LYPLA2: variants seen among roughly 807,000 people sequenced by gnomAD.
LYPLA2 encodes lysophospholipase 2.
LYPLA2 carries 7 observed loss-of-function variants against 30.3 expected under a neutral mutation model. That is an observed-to-expected ratio of 0.23 (90% CI 0.13 to 0.43). The LOEUF (loss-of-function observed/expected upper bound fraction) is 0.43, where lower values mean the gene tolerates loss of function less well. Ranked by LOEUF, LYPLA2 falls within the 20% of genes least tolerant of loss-of-function variation. The pLI is 1.00. For missense variants in LYPLA2, 206 were observed against 307.9 expected (o/e 0.67, Z 2.48); for synonymous variants, 112 against 118.2 (o/e 0.95, Z 0.34).
chr1:23,792,804 C>G, intron 2 of LYPLA2, 44 bp downstream of exon 2: 1 of 1,542,712 alleles, frequency 6.5e-7, no homozygotes, highest in East Asian at 2.2e-5. Flanking sequence ...GTGGGAGCAG[C>G]TGGAGGACCG....
Position 23,792,658 on chromosome 1 carries a change from C to G in LYPLA2, c.-25C>G. The G allele has an allele frequency of 6.2e-7, 1 of 1,607,922 alleles. No homozygotes were observed. Among genetic ancestry groups the G allele is most frequent in the Middle Eastern group, 2.3e-4 (1 of 4,440 alleles). The stretch of plus-strand genomic sequence containing the variant: ...TGACCGCCGCCCCGATGTATGCAGG[C>G]CCCCGCCGTGGAGCCGTGTGGTGTA... On this transcript the variant is annotated splice_region_variant and 5_prime_UTR_variant, in exon 2 of 10. Transcript: ENST00000374514.
At position 23,794,919 on chromosome 1, in the gene LYPLA2, CTCTG is replaced by C. The variant is rs1333432112; in HGVS notation, c.*192_*195del. ...TTCCTTCCTGGCCTTAGCCACCTGG[CTCTG>C]TCTGCAGCAGGGGCAGGCTGCTTTC... On this transcript the variant is annotated 3_prime_UTR_variant, in exon 10 of 10. Transcript: ENST00000374514. The surrounding 1 kb of genome is among the most constrained non-coding windows in gnomAD (Gnocchi z 5.9). 7 of 737,258 alleles carry C rather than the reference CTCTG, an allele frequency of 9.5e-6. No individual in the cohort carries two copies. The highest frequency in any genetic ancestry group is 1.7e-5 in the Non-Finnish European group (7 of 412,074). 45.7% of individuals were successfully genotyped at this position (737,258 alleles called of 1,614,324 possible).
Position 23,794,610 on chromosome 1 carries a change from G to A in LYPLA2, c.645+10G>A. On this transcript the variant is annotated intron_variant, in intron 9 of 9. Coordinates refer to ENST00000374514, the MANE Select transcript of LYPLA2 (RefSeq NM_007260.3). This position sits in a 1 kb window ranked among gnomAD's most constrained non-coding sequence, Gnocchi z 5.9. ...CAGCTCCTGTCCTCAGGTCAGTGGG[G>A]GGACCATTTCCCACTCCCACTTCTC... is the stretch of plus-strand genomic sequence containing the variant. The A allele has an allele frequency of 6.2e-7, 1 of 1,614,072 alleles. No homozygotes were observed. The highest frequency in any genetic ancestry group is 8.5e-7 in the Non-Finnish European group (1 of 1,179,954).
Position 23,793,699 on chromosome 1 carries a change from C to G in LYPLA2, c.177-6C>G. 6.2e-7 allele frequency: 1 copy of G among 1,614,002 alleles called. No homozygotes were observed. Among genetic ancestry groups the G allele is most frequent in the Non-Finnish European group, 8.5e-7 (1 of 1,179,872 alleles). The stretch of plus-strand genomic sequence containing the variant: ...CATGATGGGCCCTCTGGCTCTCTTT[C>G]CCCAGGCCTAGGATCCCTGTGACCC... On this transcript the variant is annotated splice_polypyrimidine_tract_variant and splice_region_variant and intron_variant, in intron 4 of 9. Coordinates refer to ENST00000374514, the MANE Select transcript of LYPLA2 (RefSeq NM_007260.3). The surrounding 1 kb of genome is among the most constrained non-coding windows in gnomAD (Gnocchi z 6.0).
Position 23,793,450 on chromosome 1 carries a change from T to C in LYPLA2, c.176+234T>C, listed in dbSNP as rs181087487. Among the ~76,000 whole-genome samples, 17 of 152,268 alleles carry C rather than the reference T, an allele frequency of 1.1e-4. No homozygotes were observed. In the East Asian group the frequency reaches 3.3e-3, roughly 29 times the overall value. ...CTCTCCTAGAACCCACACCTCCCTTTGCCCCTTCCCCAAGTACTCACCGAC... is the reference window on the plus strand; with the variant it reads ...CTCTCCTAGAACCCACACCTCCCTTCGCCCCTTCCCCAAGTACTCACCGAC... On this transcript the variant is annotated intron_variant, in intron 4 of 9. Transcript: ENST00000374514. This position sits in a 1 kb window ranked among gnomAD's most constrained non-coding sequence, Gnocchi z 6.0.
At chr1:23,791,481 C>T (rs1638792230) in intron 1 of LYPLA2, among the ~76,000 whole-genome samples, 1 of 152,038 alleles carries the variant, frequency 6.6e-6, no homozygotes, top group East Asian at 1.9e-4. Flanking sequence ...CATTGTGGGG[C>T]GGGGGCTTCC....
In LYPLA2 at chr1:23,794,218, C is replaced by T. The variant is rs368029862; in HGVS notation, c.370-6C>T. ...CCCTCATGACCCCTCTCTCTCCTCC[C>T]TCCAGGGCGGGGCCCTGTCCCTCTA... is the stretch of plus-strand genomic sequence containing the variant. On this transcript the variant is annotated splice_polypyrimidine_tract_variant and splice_region_variant and intron_variant, in intron 7 of 9. Transcript: ENST00000374514. The surrounding 1 kb of genome is among the most constrained non-coding windows in gnomAD (Gnocchi z 5.9). 3.0e-4 allele frequency: 477 copies of T among 1,608,532 alleles called. 1 individual carries two copies. In the African/African-American group the frequency reaches 5.5e-3, roughly 19 times the overall value.
In LYPLA2 at chr1:23,795,062, C is replaced by G; in HGVS notation, c.*330C>G. 3.8e-6 allele frequency: 2 copies of G among 531,516 alleles called. No homozygotes were observed. The highest frequency in any genetic ancestry group is 7.1e-6 in the Non-Finnish European group (2 of 282,370). The allele number at this position is 531,516 out of a possible 1,614,324, so 32.9% of individuals were successfully genotyped here. On this transcript the variant is annotated 3_prime_UTR_variant, in exon 10 of 10. Transcript: ENST00000374514. ...CTCACTCAGGACCTCACTCACTAGC[C>G]CCGCTTTGGGCCCCCTCCTGTGACC... is the stretch of plus-strand genomic sequence containing the variant.
rs1281439228 is a variant in LYPLA2 at position 23,794,433 on chromosome 1, A to G, written c.478A>G (p.Asn160Asp). Residue 160 changes from asparagine (N) to aspartate (D), a missense_variant, in exon 9 of 10, where the codon AAT (asparagine) becomes GAT (aspartate). Transcript: ENST00000374514. The surrounding 1 kb of genome is among the most constrained non-coding windows in gnomAD (Gnocchi z 5.9). Reference protein sequence around the residue: ...PLHRAFPQAANGSAKDLAILQ... With the variant: ...PLHRAFPQAADGSAKDLAILQ... Reference sequence around the variant, plus strand: ...AGTCCTGTCCGGCCTCCAGGCAGCTAATGGCAGTGCCAAGGACCTGGCCAT... The same window carrying G: ...AGTCCTGTCCGGCCTCCAGGCAGCTGATGGCAGTGCCAAGGACCTGGCCAT... The G allele has an allele frequency of 1.2e-6, 2 of 1,613,762 alleles. No homozygotes were observed. Among genetic ancestry groups the G allele is most frequent in the Middle Eastern group, 1.7e-4 (1 of 6,060 alleles).
At position 23,794,461 on chromosome 1, in the gene LYPLA2, T is replaced by C. The variant is rs1195482305; in HGVS notation, c.506T>C (p.Leu169Pro). The stretch of plus-strand genomic sequence containing the variant: ...GGCAGTGCCAAGGACCTGGCCATAC[T>C]CCAGTGCCATGGGGAGCTGGACCCC... ...ANGSAKDLAILQCHGELDPMV... is the reference protein window; with the variant it reads ...ANGSAKDLAIPQCHGELDPMV... The change falls in exon 9 of 10, where the codon CTC becomes CCC. Residue 169 changes from leucine to proline, a missense_variant. Physicochemically the swap from Leu to Pro is moderately conservative, Grantham distance 98. Coordinates refer to ENST00000374514, the MANE Select transcript of LYPLA2 (RefSeq NM_007260.3). This position sits in a 1 kb window ranked among gnomAD's most constrained non-coding sequence, Gnocchi z 5.9. 1.2e-6 allele frequency: 2 copies of C among 1,613,838 alleles called. No homozygotes were observed. Among genetic ancestry groups the C allele is most frequent in the South Asian group, 1.1e-5 (1 of 91,070 alleles).
chr1:23,793,887 T>A lies in LYPLA2; in HGVS notation c.252T>A (p.Asp84Glu). 1 of 1,613,950 alleles carries A rather than the reference T, an allele frequency of 6.2e-7. No homozygotes were observed. The highest frequency in any genetic ancestry group is 8.5e-7 in the Non-Finnish European group (1 of 1,179,910). ...SWFDLMGLSPDAPEDEAGIKK... is the reference protein window; with the variant it reads ...SWFDLMGLSPEAPEDEAGIKK... ...TTGACCTGATGGGGCTGAGTCCAGA[T>A]GCCCCAGAGGACGAGGCTGGCATCA... Residue 84 changes from aspartate to glutamate, a missense_variant, in exon 6 of 10, where the codon GAT becomes GAA. Asp to Glu is a conservative substitution (Grantham distance 45). Transcript: ENST00000374514. This position sits in a 1 kb window ranked among gnomAD's most constrained non-coding sequence, Gnocchi z 6.0.
chr1:23,793,657 T>G lies in LYPLA2; in HGVS notation c.177-48T>G. ...CCACTCCGGGCTCTGAGCTCTGGCC[T>G]CCTCATTCCTCCTGAGCATGATGGG... On this transcript the variant is annotated intron_variant, in intron 4 of 9. Coordinates refer to ENST00000374514, the MANE Select transcript of LYPLA2 (RefSeq NM_007260.3). The surrounding 1 kb of genome is among the most constrained non-coding windows in gnomAD (Gnocchi z 6.0). 6.3e-7 allele frequency: 1 copy of G among 1,593,026 alleles called. No individual in the cohort carries two copies. Among genetic ancestry groups the G allele is most frequent in the Non-Finnish European group, 8.6e-7 (1 of 1,160,864 alleles).
At chr1:23,792,605 G>A in intron 1 of LYPLA2, 52 bp from the exon 2 acceptor site, 1 of 1,147,268 alleles carries the variant, frequency 8.7e-7, no homozygotes, top group Non-Finnish European at 1.3e-6. Flanking sequence ...CTTGGGCCAG[G>A]AGTGTGTCCT....
At position 23,794,448 on chromosome 1, in the gene LYPLA2, G is replaced by T; in HGVS notation, c.493G>T (p.Asp165Tyr). Residue 165 changes from aspartate (D) to tyrosine (Y), a missense_variant, in exon 9 of 10, where the codon GAC becomes TAC. Asp to Tyr is a radical substitution (Grantham distance 160). Coordinates refer to ENST00000374514, the MANE Select transcript of LYPLA2 (RefSeq NM_007260.3). This position sits in a 1 kb window ranked among gnomAD's most constrained non-coding sequence, Gnocchi z 5.9. The stretch of plus-strand genomic sequence containing the variant: ...CCAGGCAGCTAATGGCAGTGCCAAG[G>T]ACCTGGCCATACTCCAGTGCCATGG... ...FPQAANGSAK[D>Y]LAILQCHGEL... is the part of the protein sequence containing the mutation. The T allele has an allele frequency of 1.9e-6, 3 of 1,614,018 alleles. No homozygotes were observed. The highest frequency in any genetic ancestry group is 2.5e-6 in the Non-Finnish European group (3 of 1,179,978).
At position 23,793,309 on chromosome 1, in the gene LYPLA2, TC is replaced by T; in HGVS notation, c.176+95del. 2.2e-6 allele frequency: 3 copies of T among 1,340,570 alleles called. No homozygotes were observed. In the South Asian group the frequency reaches 3.6e-5, roughly 16 times the overall value. 83.0% of individuals were successfully genotyped at this position (1,340,570 alleles called of 1,614,324 possible). A position where few individuals can be genotyped will look rare whatever the true frequency, so the allele number is the denominator to read the frequency against. On this transcript the variant is annotated intron_variant, in intron 4 of 9. Transcript: ENST00000374514. The surrounding 1 kb of genome is among the most constrained non-coding windows in gnomAD (Gnocchi z 6.0). ...GGCCTGTTCTCTCCTGTCAGTTGCA[TC>T]CTGGGGCTTGGGCTCAGGGCAGTCA...
Position 23,793,072 on chromosome 1 carries a change from G to A in LYPLA2, c.110+33G>A. 6.2e-7 allele frequency: 1 copy of A among 1,613,626 alleles called. No individual in the cohort carries two copies. Among genetic ancestry groups the A allele is most frequent in the South Asian group, 1.1e-5 (1 of 91,066 alleles). ...ACTGAGGAGGGGTGCTCCTTAAGGA[G>A]GGGTCCTGGCCCAGCAGCGGACTGG... On this transcript the variant is annotated intron_variant, in intron 3 of 9. Transcript: ENST00000374514. The surrounding 1 kb of genome is among the most constrained non-coding windows in gnomAD (Gnocchi z 6.0).
In LYPLA2 at chr1:23,794,673, TC is replaced by T; in HGVS notation, c.646-5del. ...GGTGCCTCTCGTGATCCCCTCTTAA[TC>T]CCCTCAGGAGATGGCAGCTGTGAAG... On this transcript the variant is annotated splice_polypyrimidine_tract_variant and splice_region_variant and intron_variant, in intron 9 of 9. Transcript: ENST00000374514. This position sits in a 1 kb window ranked among gnomAD's most constrained non-coding sequence, Gnocchi z 5.9. 1 of 1,614,118 alleles carries T rather than the reference TC, an allele frequency of 6.2e-7. No individual in the cohort carries two copies. The highest frequency in any genetic ancestry group is 8.5e-7 in the Non-Finnish European group (1 of 1,180,022).
At position 23,793,251 on chromosome 1, in the gene LYPLA2, T is replaced by A. The variant is rs1638836836; in HGVS notation, c.176+35T>A. On this transcript the variant is annotated intron_variant, in intron 4 of 9. Coordinates refer to ENST00000374514, the MANE Select transcript of LYPLA2 (RefSeq NM_007260.3). This position sits in a 1 kb window ranked among gnomAD's most constrained non-coding sequence, Gnocchi z 6.0. The stretch of plus-strand genomic sequence containing the variant: ...ACCCCAGCAAGGGAGGGGCTGAGGC[T>A]GGGGATCATCTGGGGGTGGTCCTGT... The A allele has an allele frequency of 6.2e-7, 1 of 1,604,012 alleles. No individual in the cohort carries two copies.
rs1638889628 is a variant in LYPLA2, at chr1:23,794,649, G to T, written c.646-33G>T. The stretch of plus-strand genomic sequence containing the variant: ...CTCCCACTTCTCTGCCTCCAGCCAG[G>T]TGCCTCTCGTGATCCCCTCTTAATC... On this transcript the variant is annotated intron_variant, in intron 9 of 9. Transcript: ENST00000374514. The surrounding 1 kb of genome is among the most constrained non-coding windows in gnomAD (Gnocchi z 5.9). The T allele has an allele frequency of 6.2e-7, 1 of 1,614,114 alleles. No homozygotes were observed. Among genetic ancestry groups the T allele is most frequent in the Non-Finnish European group, 8.5e-7 (1 of 1,179,992 alleles).
Sources: allele counts gnomAD v4.1 joint callset (sites outside exome capture counted in the v4.1 genomes callset), GRCh38; gene constraint gnomAD v4.1.1; non-coding constraint Gnocchi (gnomAD v3.1); transcripts MANE v1.5; gene names NCBI Gene and HGNC (gene_info 2026-07-23, HGNC 2026-07-21).